The following CD53 variants were observed in gnomAD, a reference collection of about 807,000 sequenced individuals.
CD53 encodes CD53 molecule.
CD53 carries 20 observed loss-of-function variants against 27.3 expected under a neutral mutation model. That is an observed-to-expected ratio of 0.73 (90% CI 0.52 to 1.07). The LOEUF is 1.07. CD53 is among the 50% of genes least tolerant of loss of function. CD53 has a pLI of 0.00. For synonymous variants in CD53, 106 were observed against 105.3 expected (o/e 1.01, Z -0.04); for missense variants, 216 against 264.0 (o/e 0.82, Z 1.26).
chr1:110,892,606 G>T (rs1230906085), intron 3 of CD53, 73 bp downstream of exon 3: 2 of 1,232,238 alleles, frequency 1.6e-6, no homozygotes, highest in Admixed American at 3.8e-5. Flanking sequence ...GATGTTTCTT[G>T]GTAGATCACT....
intron 7 of CD53, 65 bp from the exon 8 acceptor site, chr1:110,899,059 C>G (rs908609561): frequency 7.3e-6 from 9 of 1,237,572 alleles, no homozygotes; most frequent in Admixed American, 6.9e-5. Flanking sequence ...GAGGCCAATC[C>G]CAGGCATTGT....
At chr1:110,871,814 T>TACACACACACACACACAC (rs3068856), upstream of CD53, among the ~76,000 whole-genome samples, 12 of 145,670 alleles carry the variant, frequency 8.2e-5, no homozygotes, top group African/African-American at 2.6e-4. Context: ...CAAGAGAAAC[T>TACACACACACACACACAC]ACACACACAC....
At chr1:110,877,049 T>C (rs1476069609) in intron 1 of CD53, among the ~76,000 whole-genome samples, 1 of 152,198 alleles carries the variant, frequency 6.6e-6, no homozygotes, top group Non-Finnish European at 1.5e-5. Context: ...TAACAATCTA[T>C]GTACTTTATT....
At chr1:110,886,869 A>ATATATATATATATTTTT (rs1298376721) in intron 1 of CD53, among the ~76,000 whole-genome samples, 11 of 82,782 alleles carry the variant, frequency 1.3e-4, no homozygotes, top group South Asian at 4.3e-4. Context: ...ATATATATAT[A>ATATATATATATATTTTT]TTTTTTTTTT....
chr1:110,887,270 T>G (rs967319177), intron 1 of CD53, among the ~76,000 whole-genome samples: 3 of 152,064 alleles, frequency 2.0e-5, no homozygotes, highest in Admixed American at 2.0e-4. Flanking sequence ...TTCACCGTGT[T>G]AGCCAGGATC....
chr1:110,895,394 A>G lies in CD53; in HGVS notation c.423+339A>G, dbSNP rs189160406. ...GCATTGTATAACACAAGAAATTGCCATTGAGTTCCCGAGTTGCCCAAATCA... is the reference window on the plus strand; with the variant it reads ...GCATTGTATAACACAAGAAATTGCCGTTGAGTTCCCGAGTTGCCCAAATCA... On this transcript the variant is annotated intron_variant, in intron 5 of 7. Coordinates refer to ENST00000271324, the MANE Select transcript of CD53 (RefSeq NM_000560.4). 2.6e-5 allele frequency among the ~76,000 whole-genome samples: 4 copies of G among 152,344 alleles called. No homozygotes were observed. The East Asian group carries it at 5.8e-4, about 22-fold the overall frequency.
At chr1:110,892,623 C>T in intron 3 of CD53, 90 bp downstream of exon 3, 1 of 1,043,378 alleles carries the variant, frequency 9.6e-7, no homozygotes, top group Non-Finnish European at 1.4e-6. Flanking sequence ...CACTTATAGG[C>T]ACAGAAAGAT....
intron 1 of CD53, among the ~76,000 whole-genome samples, chr1:110,889,179 A>G (rs1656746109): frequency 6.6e-6 from 1 of 152,172 alleles, no homozygotes; most frequent in Admixed American, 6.5e-5. Flanking sequence ...ACTCTATGAG[A>G]TATTTTGTCA....
rs772558859 is a variant in CD53 at position 110,892,450 on chromosome 1, G to T, written c.169G>T (p.Val57Phe). The T allele has an allele frequency of 2.0e-5, 32 of 1,613,974 alleles. 1 individual carries two copies. Among genetic ancestry groups the T allele is most frequent in the South Asian group, 7.7e-5 (7 of 91,076 alleles). Residue 57 changes from valine (V) to phenylalanine (F), a missense_variant, in exon 3 of 8, where the codon GTC becomes TTC. Coordinates refer to ENST00000271324, the MANE Select transcript of CD53 (RefSeq NM_000560.4). ...CTCCCTCACGCTGGGCAATGTGTTT[G>T]TCATCGTGGGCTCTATTATCATGGT... ...LPSLTLGNVF[V>F]IVGSIIMVVA...
intron 7 of CD53, 145 bp from the exon 8 acceptor site, chr1:110,898,979 C>G: frequency 3.3e-6 from 2 of 610,254 alleles, no homozygotes; most frequent in Non-Finnish European, 5.8e-6. Context: ...AAGGAAAGAG[C>G]TCCTGAGAGA....
intron 1 of CD53, among the ~76,000 whole-genome samples, chr1:110,882,975 T>C (rs1238417080): frequency 6.6e-6 from 1 of 152,060 alleles, no homozygotes; most frequent in East Asian, 1.9e-4. Context: ...ATTTAGATTT[T>C]CTACAAAGAC....
In CD53 at chr1:110,895,056, G is replaced by A. The variant is rs371825335; in HGVS notation, c.423+1G>A. ...AGCGTGGGACTCCATCCAGTCATTT[G>A]TGAGTACAGGTGGAATCCTCTTCAG... On this transcript the variant is annotated splice_donor_variant, in intron 5 of 7. Transcript: ENST00000271324. LOFTEE classifies it high-confidence loss of function. The A allele has an allele frequency of 6.2e-7, 1 of 1,601,296 alleles. No individual in the cohort carries two copies. Among genetic ancestry groups the A allele is most frequent in the Non-Finnish European group, 8.6e-7 (1 of 1,168,528 alleles).
At chr1:110,889,064 G>C (rs139040123) in intron 1 of CD53, among the ~76,000 whole-genome samples, 1 of 152,108 alleles carries the variant, frequency 6.6e-6, no homozygotes, top group East Asian at 1.9e-4. Flanking sequence ...GGATTCTCAA[G>C]AATTTGGAAA....
chr1:110,895,558 A>C (rs143451085), intron 5 of CD53, among the ~76,000 whole-genome samples: 1 of 152,254 alleles, frequency 6.6e-6, no homozygotes, highest in East Asian at 1.9e-4. Flanking sequence ...GCACCAGTAT[A>C]ATCTATTTGT....
chr1:110,877,770 G>A (rs1656182299), intron 1 of CD53, among the ~76,000 whole-genome samples: 1 of 152,208 alleles, frequency 6.6e-6, no homozygotes, highest in Non-Finnish European at 1.5e-5. Context: ...ATGGAGAGAT[G>A]AATGGACACG....
intron 6 of CD53, chr1:110,897,568 T>G: frequency 2.9e-6 from 1 of 339,672 alleles, no homozygotes; most frequent in Non-Finnish European, 5.4e-6. Flanking sequence ...ACTCAGCGGG[T>G]AAGGATCTAG....
upstream of CD53, among the ~76,000 whole-genome samples, chr1:110,872,568 G>C (rs1236719398): frequency 6.6e-6 from 1 of 152,186 alleles, no homozygotes; most frequent in Non-Finnish European, 1.5e-5. Flanking sequence ...CAGTGCCCCT[G>C]GGATTATGCC....
At position 110,892,528 on chromosome 1, in the gene CD53, A is replaced by C. The variant is rs755616179; in HGVS notation, c.247A>C (p.Met83Leu). Reference protein sequence around the residue: ...GSIKENKCLLMSFFILLLIIL... With the variant: ...GSIKENKCLLLSFFILLLIIL... ...TATCAAGGAAAACAAGTGTCTGCTT[A>C]TGTCGGTGAGTCCTTACAGCAGATG... is the stretch of plus-strand genomic sequence containing the variant. Residue 83 changes from methionine to leucine, a missense_variant, in exon 3 of 8, where the codon ATG (methionine) becomes CTG (leucine). Physicochemically the swap from Met to Leu is conservative, Grantham distance 15. Transcript: ENST00000271324. 1.2e-6 allele frequency: 2 copies of C among 1,613,280 alleles called. No individual in the cohort carries two copies. The highest frequency in any genetic ancestry group is 2.2e-5 in the South Asian group (2 of 91,050).
chr1:110,892,368 C>T lies in CD53; in HGVS notation c.87C>T (p.Gly29=). The part of the protein sequence containing the change: ...LFWICGCCIL[G]FGIYLLIHNN... ...AGATCTGTGGCTGCTGCATTTTGGG[C>T]TTTGGGATCTACCTGCTGATCCACA... Residue 29 remains glycine, a synonymous_variant, in exon 3 of 8, where the codon GGC becomes GGT. Transcript: ENST00000271324. 4 of 1,613,950 alleles carry T rather than the reference C, an allele frequency of 2.5e-6. No individual in the cohort carries two copies. The highest frequency in any genetic ancestry group is 3.4e-6 in the Non-Finnish European group (4 of 1,179,842).
Sources: gnomAD v4.1 joint callset for allele counts (sites outside exome capture counted in the v4.1 genomes callset) on GRCh38, gnomAD v4.1.1 for gene constraint, MANE v1.5 for transcripts, NCBI Gene and HGNC (gene_info 2026-07-23, HGNC 2026-07-21) for gene names.